KDM2A: variants seen among roughly 807,000 people sequenced by gnomAD.
KDM2A encodes the protein lysine demethylase 2A.
Under a neutral mutation model 137.3 loss-of-function variants are expected in KDM2A, and 3 were observed. That is an observed-to-expected ratio of 0.02 (90% CI 0.01 to 0.06). The LOEUF is 0.06. KDM2A is among the 10% of genes least tolerant of loss of function. The pLI, the probability that KDM2A is intolerant of heterozygous loss-of-function variation, is 1.00. For synonymous variants in KDM2A, 512 were observed against 541.5 expected (o/e 0.95, Z 0.76); for missense variants, 738 against 1,510.6 (o/e 0.49, Z 8.48).
intron 2 of KDM2A, among the ~76,000 whole-genome samples, chr11:67,143,965 G>A (rs1856184236): frequency 2.0e-5 from 3 of 147,976 alleles, no homozygotes; most frequent in Admixed American, 1.3e-4. Context: ...TTTGTGAGAC[G>A]GAGTCTCCCT....
intron 16 of KDM2A, 58 bp downstream of exon 16, chr11:67,248,428 A>G: frequency 8.3e-7 from 1 of 1,198,120 alleles, no homozygotes; most frequent in Non-Finnish European, 1.2e-6. Flanking sequence ...AATGTGGGGG[A>G]TTGCTACACG....
At position 67,213,834 on chromosome 11, in the gene KDM2A, G is replaced by A. The variant is rs536349239; in HGVS notation, c.487-1506G>A. On this transcript the variant is annotated intron_variant, in intron 6 of 20. Transcript: ENST00000529006. Reference sequence around the variant, plus strand: ...AGTGTTTACATTTAATCCTTACAACGTATCTTTGAAGTAGTTATCTTAGTT... The same window carrying A: ...AGTGTTTACATTTAATCCTTACAACATATCTTTGAAGTAGTTATCTTAGTT... 4.6e-5 allele frequency among the ~76,000 whole-genome samples: 7 copies of A among 151,178 alleles called. No homozygotes were observed. The South Asian group carries it at 1.5e-3, about 32-fold the overall frequency.
At chr11:67,123,275 CTTTT>C (rs575165830) in intron 2 of KDM2A, among the ~76,000 whole-genome samples, 50 of 71,482 alleles carry the variant, frequency 7.0e-4, no homozygotes, top group African/African-American at 2.0e-3. Context: ...CAGTACCTGG[CTTTT>C]TTTTTTTTTT....
At chr11:67,154,591 C>T (rs1856472879) in intron 2 of KDM2A, among the ~76,000 whole-genome samples, 1 of 152,084 alleles carries the variant, frequency 6.6e-6, no homozygotes, top group African/African-American at 2.4e-5. Context: ...TGTCACACAC[C>T]TGGCTAATTT....
chr11:67,146,777 T>C (rs1332321362), intron 2 of KDM2A, among the ~76,000 whole-genome samples: 1 of 152,162 alleles, frequency 6.6e-6, no homozygotes, highest in Non-Finnish European at 1.5e-5. Context: ...CCCAAAGTGC[T>C]GGTGCATGAG....
In KDM2A at chr11:67,250,390, C is replaced by T; in HGVS notation, c.2360C>T (p.Ser787Phe). 6.2e-7 allele frequency: 1 copy of T among 1,614,052 alleles called. No individual in the cohort carries two copies. The highest frequency in any genetic ancestry group is 8.5e-7 in the Non-Finnish European group (1 of 1,179,894). ...ENNPSGKKEL[S>F]EVEKAKIRGS... ...AATCCCAGCGGCAAAAAGGAGCTGT[C>T]TGAAGTTGAGAAAGCCAAGATCCGG... is the stretch of plus-strand genomic sequence containing the variant. The change falls in exon 17 of 21, where the codon TCT becomes TTT. Residue 787 changes from serine to phenylalanine, a missense_variant. Transcript: ENST00000529006. The surrounding 1 kb of genome is among the most constrained non-coding windows in gnomAD (Gnocchi z 7.1).
At chr11:67,175,242 A>G (rs1444333600) in intron 2 of KDM2A, among the ~76,000 whole-genome samples, 6 of 152,224 alleles carry the variant, frequency 3.9e-5, no homozygotes, top group Non-Finnish European at 7.3e-5. Context: ...GATAGGATAC[A>G]GGAAAAACAG....
intron 16 of KDM2A, among the ~76,000 whole-genome samples, chr11:67,249,764 G>A (rs1565425604): frequency 6.6e-6 from 1 of 152,176 alleles, no homozygotes. Flanking sequence ...TAGTTCAAAT[G>A]GTATATGTGG....
rs1855650305 is a variant in KDM2A, at chr11:67,123,659, C to T, written c.42+2301C>T. ...TCCAGACTTTAAAGGAAGAGCCTTT[C>T]CAGCAAGCAAAACTTTTAACTGTTT... is the stretch of plus-strand genomic sequence containing the variant. On this transcript the variant is annotated intron_variant, in intron 2 of 20. Coordinates refer to ENST00000529006, the MANE Select transcript of KDM2A (RefSeq NM_012308.3). Among the ~76,000 whole-genome samples, 3 of 151,822 alleles carry T rather than the reference C, an allele frequency of 2.0e-5. No individual in the cohort carries two copies. The South Asian group carries it at 6.2e-4, about 31-fold the overall frequency.
chr11:67,145,039 T>G (rs1856211455), intron 2 of KDM2A, among the ~76,000 whole-genome samples: 2 of 150,684 alleles, frequency 1.3e-5, no homozygotes, highest in Admixed American at 1.3e-4. Flanking sequence ...CCAACTACTT[T>G]TTTTGTATTT....
At chr11:67,217,471 G>T in intron 8 of KDM2A, 1 of 462,058 alleles carries the variant, frequency 2.2e-6, no homozygotes, top group Non-Finnish European at 4.0e-6. Context: ...GAGCTGAATG[G>T]TCCCTCTTCT....
chr11:67,214,010 A>G (rs1218760574), intron 6 of KDM2A, among the ~76,000 whole-genome samples: 2 of 151,910 alleles, frequency 1.3e-5, no homozygotes. Context: ...CTATAGGCAC[A>G]TGCCACAACG....
At chr11:67,216,735 A>G (rs1377398021) in intron 8 of KDM2A, among the ~76,000 whole-genome samples, 1 of 152,216 alleles carries the variant, frequency 6.6e-6, no homozygotes, top group East Asian at 1.9e-4. Flanking sequence ...AGCCTGACCA[A>G]CATGGAGAAA....
chr11:67,216,159 C>G (rs1047925206), intron 8 of KDM2A, among the ~76,000 whole-genome samples: 1 of 152,206 alleles, frequency 6.6e-6, no homozygotes, highest in African/African-American at 2.4e-5. Context: ...ACACCATTGG[C>G]ACAGCACTTA....
chr11:67,130,502 G>T (rs2136283071), intron 2 of KDM2A, among the ~76,000 whole-genome samples: 1 of 152,232 alleles, frequency 6.6e-6, no homozygotes, highest in East Asian at 1.9e-4. Context: ...CTGACCTTTA[G>T]ACAGCCTTAA....
At chr11:67,127,082 C>T (rs1855747727) in intron 2 of KDM2A, among the ~76,000 whole-genome samples, 1 of 152,074 alleles carries the variant, frequency 6.6e-6, no homozygotes, top group Non-Finnish European at 1.5e-5. Flanking sequence ...TCTGAGGTAA[C>T]AATGATTTAT....
chr11:67,251,981 TG>T (rs1285568286), intron 17 of KDM2A, among the ~76,000 whole-genome samples: 1 of 152,142 alleles, frequency 6.6e-6, no homozygotes, highest in South Asian at 2.1e-4. Context: ...CCAACCAGGC[TG>T]GGGGGCAGGG....
intron 4 of KDM2A, 27 bp downstream of exon 4, chr11:67,181,425 T>C: frequency 6.4e-7 from 1 of 1,563,104 alleles, no homozygotes; most frequent in Non-Finnish European, 8.8e-7. Flanking sequence ...TGGCTGGATG[T>C]AGTTGCAAAA....
chr11:67,193,279 C>T (rs558449302), intron 5 of KDM2A, among the ~76,000 whole-genome samples: 4 of 152,174 alleles, frequency 2.6e-5, no homozygotes, highest in East Asian at 1.9e-4. Context: ...CGTGAGCCAC[C>T]GCACCTGGCC....
Sources: allele counts gnomAD v4.1 joint callset (sites outside exome capture counted in the v4.1 genomes callset), GRCh38; gene constraint gnomAD v4.1.1; non-coding constraint Gnocchi (gnomAD v3.1); transcripts MANE v1.5; gene names NCBI Gene and HGNC (gene_info 2026-07-23, HGNC 2026-07-21).